Variants in DIS3L2 observed in about 807,000 individuals in gnomAD.
DIS3L2 encodes the protein DIS3-like exonuclease 2.
A neutral mutation model predicts 97.5 loss-of-function variants in DIS3L2; 34 were observed. The ratio of observed to expected loss-of-function variants is 0.35; its 90% CI spans 0.27 to 0.46. DIS3L2 has a LOEUF of 0.46. Among genes scored for constraint, DIS3L2 ranks in the 20% least tolerant of loss-of-function variants. The pLI, the probability that DIS3L2 is intolerant of heterozygous loss-of-function variation, is 1.00. For synonymous variants in DIS3L2, 435 were observed against 445.2 expected, an observed-to-expected ratio of 0.98 and a Z score of 0.29; for missense variants, 1,038 against 1,146.0, an observed-to-expected ratio of 0.91 and a Z score of 1.36.
chr2:232,256,281 A>G (rs1186191236), intron 12 of DIS3L2, among the ~76,000 whole-genome samples: 1 of 152,120 alleles, frequency 6.6e-6, no homozygotes, highest in Non-Finnish European at 1.5e-5. Flanking sequence ...CACAGGAGAG[A>G]AGCTGCCTTT....
At chr2:232,142,986 T>C (rs1690111853) in intron 8 of DIS3L2, among the ~76,000 whole-genome samples, 1 of 152,190 alleles carries the variant, frequency 6.6e-6, no homozygotes, top group Non-Finnish European at 1.5e-5. Flanking sequence ...AATACGATAG[T>C]GGTAATCACT....
chr2:232,013,228 G>C (rs76454328), intron 1 of DIS3L2, among the ~76,000 whole-genome samples: 1 of 152,164 alleles, frequency 6.6e-6, no homozygotes, highest in African/African-American at 2.4e-5. Context: ...AGATGCATCT[G>C]CTGCTAGTAT....
At chr2:232,109,308 G>A (rs978389167) in intron 6 of DIS3L2, among the ~76,000 whole-genome samples, 2 of 152,066 alleles carry the variant, frequency 1.3e-5, no homozygotes, top group African/African-American at 2.4e-5. Flanking sequence ...TAGCTCGGTG[G>A]CACACATCTG....
chr2:232,100,189 A>G (rs62197710), intron 6 of DIS3L2, among the ~76,000 whole-genome samples: 2 of 115,980 alleles, frequency 1.7e-5, no homozygotes, highest in African/African-American at 6.8e-5. Context: ...ATGCCCTGCT[A>G]ATATTTTTTT....
chr2:232,233,867 C>T (rs575699151), intron 10 of DIS3L2, among the ~76,000 whole-genome samples: 1 of 152,256 alleles, frequency 6.6e-6, no homozygotes, highest in East Asian at 1.9e-4. Flanking sequence ...GAGTTAATGG[C>T]TTAGTGGTTG....
chr2:232,302,558 T>C (rs1343732585), intron 14 of DIS3L2, among the ~76,000 whole-genome samples: 1 of 94,664 alleles, frequency 1.1e-5, no homozygotes, highest in African/African-American at 6.3e-5. Flanking sequence ...TTCTTCTTCT[T>C]TTTTTTTTTT....
At chr2:232,288,637 A>G (rs1694513455) in intron 13 of DIS3L2, among the ~76,000 whole-genome samples, 1 of 152,224 alleles carries the variant, frequency 6.6e-6, no homozygotes, top group African/African-American at 2.4e-5. Flanking sequence ...ATTCCCTGGA[A>G]GATCATTCTG....
intron 5 of DIS3L2, among the ~76,000 whole-genome samples, chr2:232,033,992 T>A (rs964240969): frequency 6.6e-6 from 1 of 152,198 alleles, no homozygotes. Flanking sequence ...TAAAATGAGT[T>A]GGGGAGGAGT....
At chr2:232,331,287 C>T (rs1179025070) in intron 16 of DIS3L2, among the ~76,000 whole-genome samples, 1 of 152,228 alleles carries the variant, frequency 6.6e-6, no homozygotes, top group East Asian at 1.9e-4. Context: ...CACAGCGCCC[C>T]AGGCTGAGCT....
chr2:232,048,730 C>CAA (rs773587883), intron 5 of DIS3L2, among the ~76,000 whole-genome samples: 80 of 124,614 alleles, frequency 6.4e-4, no homozygotes, highest in African/African-American at 2.2e-3. Flanking sequence ...GACTCCCTCT[C>CAA]AAAAAAAAAA....
In DIS3L2 at chr2:232,343,407, TG is replaced by T; in HGVS notation, c.1645del (p.Ala549GlnfsTer44). The T allele has an allele frequency of 1.3e-6, 2 of 1,556,800 alleles. No homozygotes were observed. The highest frequency in any genetic ancestry group is 2.4e-5 in the East Asian group (1 of 41,316). Reference sequence around the variant, plus strand: ...CCTCTCACAGCCCCTCTGCTGAAGATGCAGAAGCACAGCCCTCCACAGAGGA... The same window carrying T: ...CCTCTCACAGCCCCTCTGCTGAAGATCAGAAGCACAGCCCTCCACAGAGGA... On this transcript the variant is annotated frameshift_variant, in exon 14 of 14. Transcript: ENST00000273009. LOFTEE classifies it high-confidence loss of function.
intron 9 of DIS3L2, among the ~76,000 whole-genome samples, chr2:232,200,846 C>T (rs890006767): frequency 6.8e-6 from 1 of 147,490 alleles, no homozygotes; most frequent in Non-Finnish European, 1.5e-5. Context: ...TGCAGTGGCA[C>T]GATCTCAACT....
chr2:232,225,178 A>G (rs1440633194), intron 10 of DIS3L2, among the ~76,000 whole-genome samples: 1 of 152,226 alleles, frequency 6.6e-6, no homozygotes, highest in East Asian at 1.9e-4. Context: ...TTGGGAAACC[A>G]TTGTACAATA....
At chr2:232,334,828 C>T (rs1030547919) in intron 19 of DIS3L2, 93 bp downstream of exon 19, 5 of 1,092,124 alleles carry the variant, frequency 4.6e-6, no homozygotes, top group Non-Finnish European at 6.6e-6. Flanking sequence ...CACTCCACCC[C>T]TCGCTCCCCC....
chr2:232,310,521 C>G (rs1695096093), intron 14 of DIS3L2, among the ~76,000 whole-genome samples: 1 of 152,246 alleles, frequency 6.6e-6, no homozygotes, highest in Non-Finnish European at 1.5e-5. Context: ...ATGCTCTGCT[C>G]TCTTCTCACC....
intron 14 of DIS3L2, among the ~76,000 whole-genome samples, chr2:232,320,150 T>C (rs1274531760): frequency 2.3e-5 from 3 of 128,542 alleles, no homozygotes; most frequent in Non-Finnish European, 4.7e-5. Context: ...GGTGGGCACA[T>C]GAAGATGTCA....
chr2:232,337,810 G>GTGAC (rs1395608242), downstream of DIS3L2, among the ~76,000 whole-genome samples: 1 of 151,730 alleles, frequency 6.6e-6, no homozygotes. Context: ...CGCAGCGACA[G>GTGAC]TGACTGGGTA....
At chr2:232,164,800 C>T (rs1315067239) in intron 9 of DIS3L2, among the ~76,000 whole-genome samples, 2 of 152,162 alleles carry the variant, frequency 1.3e-5, no homozygotes, top group Non-Finnish European at 2.9e-5. Context: ...TGAACCCCTG[C>T]TAGCACATGG....
chr2:232,327,243 C>T (rs1021212178), intron 14 of DIS3L2, among the ~76,000 whole-genome samples: 12 of 152,242 alleles, frequency 7.9e-5, no homozygotes, highest in Admixed American at 2.0e-4. Flanking sequence ...CCTTAGCCTG[C>T]AGCCTCAGTG....
Sources: gnomAD v4.1 joint callset for allele counts (sites outside exome capture counted in the v4.1 genomes callset) on GRCh38, gnomAD v4.1.1 for gene constraint, MANE v1.5 for transcripts, NCBI Gene and HGNC (gene_info 2026-07-23, HGNC 2026-07-21) for gene names.